SEC14L1: variants seen among roughly 807,000 people sequenced by gnomAD.
SEC14L1 encodes SEC14 like lipid binding 1, also known as SEC14-like protein 1.
Under a neutral mutation model 85.3 loss-of-function variants are expected in SEC14L1, and 48 were observed. The observed-to-expected ratio is 0.56, with a 90% CI of 0.45 to 0.72. SEC14L1 has a LOEUF of 0.72. Ranked by LOEUF, SEC14L1 falls within the 30% of genes least tolerant of loss-of-function variation. The probability of loss-of-function intolerance (pLI) is 0.00; values close to 1 mark genes in which losing one functional copy is unlikely to be tolerated. For synonymous variants in SEC14L1, 391 were observed against 355.5 expected, an observed-to-expected ratio of 1.10 and a Z score of -1.12; for missense variants, 682 against 921.4, an observed-to-expected ratio of 0.74 and a Z score of 3.36.
intron 2 of SEC14L1, among the ~76,000 whole-genome samples, chr17:77,092,951 CAAAAA>C (rs35244244): frequency 7.1e-5 from 6 of 84,460 alleles, no homozygotes; most frequent in African/African-American, 1.4e-4. Flanking sequence ...AACTCCGTCT[CAAAAA>C]AAAAAAAAAA....
chr17:77,094,506 G>A lies in SEC14L1; in HGVS notation c.-136+1159G>A, dbSNP rs146011343. On this transcript the variant is annotated intron_variant, in intron 3 of 19. Coordinates refer to the SEC14L1 transcript ENST00000392476. ...CTTTGCGATGGAGTCTCACTCTGTC[G>A]CCAGGCTGGAGTGCAGTGGCATGAT... 3.6e-4 allele frequency: 55 copies of A among 151,208 alleles called. No homozygotes were observed. The East Asian group carries it at 9.4e-3, about 26-fold the overall frequency. The allele number at this position is 151,208 out of a possible 1,614,324, so 9.4% of individuals were successfully genotyped here.
Position 77,213,826 on chromosome 17 carries a change from C to T in SEC14L1, c.2043-92C>T. The T allele has an allele frequency of 6.8e-7, 1 of 1,479,642 alleles. No homozygotes were observed. The highest frequency in any genetic ancestry group is 9.4e-7 in the Non-Finnish European group (1 of 1,061,018). 91.7% of individuals were successfully genotyped at this position (1,479,642 alleles called of 1,614,324 possible). ...ATGGGGATGAGAAGTGAGCAGAGAA[C>T]AGGGTGGGCCACGAAGTCCAGCAGG... On this transcript the variant is annotated intron_variant, in intron 16 of 16. Transcript: ENST00000436233. The surrounding 1 kb of genome is among the most constrained non-coding windows in gnomAD (Gnocchi z 7.1).
intron 3 of SEC14L1, among the ~76,000 whole-genome samples, chr17:77,178,852 T>A (rs760447476): frequency 5.9e-5 from 9 of 152,182 alleles, no homozygotes; most frequent in South Asian, 4.1e-4. Context: ...CTGGGGACTC[T>A]CTGTGTGTTA....
chr17:77,211,711 G>C (rs778818154), intron 14 of SEC14L1: 13 of 557,524 alleles, frequency 2.3e-5, no homozygotes, highest in Non-Finnish European at 3.5e-5. Context: ...GGAGATCTTG[G>C]ACCTCTAGGT....
rs1049416 is a variant in SEC14L1 at position 77,190,848 on chromosome 17, G to A, written c.109G>A (p.Val37Met). The A allele has an allele frequency of 5.1e-5, 82 of 1,614,046 alleles. No individual in the cohort carries two copies. The highest frequency in any genetic ancestry group is 6.4e-5 in the Non-Finnish European group (75 of 1,180,010). Residue 37 changes from valine to methionine, a missense_variant, in exon 4 of 17, where the codon GTG becomes ATG. Val to Met is a conservative substitution (Grantham distance 21). Coordinates refer to ENST00000436233, the MANE Select transcript of SEC14L1 (RefSeq NM_001143998.2). Reference protein sequence around the residue: ...FPTCPLIPMFVGSDTVNEFKS... With the variant: ...FPTCPLIPMFMGSDTVNEFKS... ...TACATGTCCTTTGATTCCGATGTTC[G>A]TGGGCAGTGACACTGTGAATGAATT...
intron 9 of SEC14L1, among the ~76,000 whole-genome samples, chr17:77,201,588 C>G (rs775774856): frequency 6.6e-5 from 10 of 151,950 alleles, no homozygotes; most frequent in Non-Finnish European, 1.2e-4. Flanking sequence ...GTAGTTGGGA[C>G]TACAGGTGTG....
chr17:77,211,815 C>T (rs1181522016), intron 14 of SEC14L1, 135 bp from the exon 15 acceptor site: 20 of 1,090,638 alleles, frequency 1.8e-5, no homozygotes, highest in Middle Eastern at 3.1e-4. Flanking sequence ...GAAAGAGATC[C>T]GTCCATACGC....
intron 3 of SEC14L1, among the ~76,000 whole-genome samples, chr17:77,145,474 GCT>G (rs1973260372): frequency 6.6e-6 from 1 of 152,162 alleles, no homozygotes; most frequent in African/African-American, 2.4e-5. Flanking sequence ...TGGGTAAGAA[GCT>G]CTGTGTGTTA....
Position 77,214,653 on chromosome 17 carries a change from C to T in SEC14L1, c.*630C>T, listed in dbSNP as rs1435799373. 1.3e-5 allele frequency: 13 copies of T among 985,662 alleles called. No individual in the cohort carries two copies. The African/African-American group carries it at 2.1e-4, about 16-fold the overall frequency. 61.1% of individuals were successfully genotyped at this position (985,662 alleles called of 1,614,324 possible). On this transcript the variant is annotated 3_prime_UTR_variant, in exon 17 of 17. Transcript: ENST00000436233. ...TGGGGCCGGGGGCTCAGGAGGGGCTCTCAGGGACTCCTGGTGACTCCAGGA... is the reference window on the plus strand; with the variant it reads ...TGGGGCCGGGGGCTCAGGAGGGGCTTTCAGGGACTCCTGGTGACTCCAGGA...
intron 3 of SEC14L1, among the ~76,000 whole-genome samples, chr17:77,125,852 G>C (rs1298801432): frequency 3.3e-5 from 5 of 152,114 alleles, no homozygotes; most frequent in Non-Finnish European, 7.3e-5. Context: ...AGAACTGTGA[G>C]TTCAACAGAA....
chr17:77,134,662 C>T lies in SEC14L1; in HGVS notation c.-135-7984C>T, dbSNP rs192528661. Among the ~76,000 whole-genome samples the T allele has an allele frequency of 7.7e-4, 118 of 152,280 alleles. 1 individual carries two copies. The highest frequency in any genetic ancestry group is 1.3e-3 in the Admixed American group (20 of 15,302). ...AGGAGAATCGCTTGAACCCAGGAGG[C>T]GGATGTTGCAGTAAGCCGAGATTGT... On this transcript the variant is annotated intron_variant, in intron 3 of 19. Coordinates refer to the SEC14L1 transcript ENST00000392476.
chr17:77,102,505 C>CT (rs2143321882), intron 3 of SEC14L1, among the ~76,000 whole-genome samples: 1 of 148,470 alleles, frequency 6.7e-6, no homozygotes, highest in African/African-American at 2.4e-5. Flanking sequence ...CTTCTTTTTT[C>CT]TTTTTTTCTT....
chr17:77,182,054 C>G (rs945737730), intron 3 of SEC14L1, among the ~76,000 whole-genome samples: 1 of 152,040 alleles, frequency 6.6e-6, no homozygotes, highest in South Asian at 2.1e-4. Context: ...AAAACCAGAT[C>G]TGTGTATAAA....
At chr17:77,162,661 GTC>G (rs1184363603) in intron 3 of SEC14L1, among the ~76,000 whole-genome samples, 1 of 151,934 alleles carries the variant, frequency 6.6e-6, no homozygotes, top group Non-Finnish European at 1.5e-5. Flanking sequence ...GGAGAAACCC[GTC>G]TCTACTAAAA....
At chr17:77,166,074 G>T (rs1249984728) in intron 3 of SEC14L1, among the ~76,000 whole-genome samples, 1 of 152,114 alleles carries the variant, frequency 6.6e-6, no homozygotes, top group Non-Finnish European at 1.5e-5. Flanking sequence ...TTCATGTGTT[G>T]CACAGAACAG....
At chr17:77,136,645 C>T (rs181114051), upstream of SEC14L1, among the ~76,000 whole-genome samples, 5 of 152,216 alleles carry the variant, frequency 3.3e-5, no homozygotes, top group African/African-American at 4.8e-5. Flanking sequence ...TGGGTGTGCA[C>T]GCATGTGTGT....
At chr17:77,173,354 GC>G (rs1974604653) in intron 3 of SEC14L1, among the ~76,000 whole-genome samples, 1 of 151,254 alleles carries the variant, frequency 6.6e-6, no homozygotes, top group South Asian at 2.1e-4. Context: ...TAAAGAGGGG[GC>G]ACAACGTGAG....
chr17:77,191,868 C>T (rs1975558392), intron 5 of SEC14L1, among the ~76,000 whole-genome samples: 1 of 151,670 alleles, frequency 6.6e-6, no homozygotes, highest in African/African-American at 2.4e-5. Flanking sequence ...ACAGTCTCAG[C>T]TCACTGCAAC....
At chr17:77,123,164 C>G (rs768660061) in intron 3 of SEC14L1, among the ~76,000 whole-genome samples, 4 of 151,908 alleles carry the variant, frequency 2.6e-5, no homozygotes, top group African/African-American at 9.7e-5. Context: ...ATCCTTCTGC[C>G]TCAGCCTCCC....
Sources: allele counts gnomAD v4.1 joint callset (sites outside exome capture counted in the v4.1 genomes callset), GRCh38; gene constraint gnomAD v4.1.1; non-coding constraint Gnocchi (gnomAD v3.1); transcripts MANE v1.5; gene names NCBI Gene and HGNC (gene_info 2026-07-23, HGNC 2026-07-21).